TFDP2: variants seen among roughly 807,000 people sequenced by gnomAD.
TFDP2 encodes transcription factor Dp-2.
Under a neutral mutation model 59.3 loss-of-function variants are expected in TFDP2, and 17 were observed. That is an observed-to-expected ratio of 0.29 (90% CI 0.20 to 0.43). The LOEUF is 0.43. Ranked by LOEUF, TFDP2 falls within the 20% of genes least tolerant of loss-of-function variation. The pLI is 1.00. For missense variants in TFDP2, 391 were observed against 528.8 expected, an observed-to-expected ratio of 0.74 and a Z score of 2.56; for synonymous variants, 180 against 194.7, an observed-to-expected ratio of 0.92 and a Z score of 0.63.
At chr3:142,039,267 A>G (rs569582396) in intron 3 of TFDP2, among the ~76,000 whole-genome samples, 1 of 152,020 alleles carries the variant, frequency 6.6e-6, no homozygotes, top group Non-Finnish European at 1.5e-5. Flanking sequence ...TTACAGTGCC[A>G]ATATTTATTT....
rs1427769244 is a variant in TFDP2 at position 142,123,885 on chromosome 3, T to C, written c.-92-22044A>G. Among the ~76,000 whole-genome samples the C allele has an allele frequency of 3.3e-4, 50 of 152,150 alleles. 1 individual carries two copies. The highest frequency in any genetic ancestry group is 7.3e-5 in the Non-Finnish European group (5 of 68,028). On this transcript the variant is annotated intron_variant, in intron 1 of 12. Transcript: ENST00000489671. ...AAAACTATTATTATTTACATATGAT[T>C]ACAACTGTTTACAGAGCAACCCCAA...
intron 1 of TFDP2, among the ~76,000 whole-genome samples, chr3:142,114,108 C>T (rs1218218036): frequency 1.3e-5 from 2 of 150,830 alleles, no homozygotes; most frequent in Admixed American, 1.3e-4. Context: ...GAGCTTGCAG[C>T]GAGCCGAAAT....
intron 2 of TFDP2, chr3:142,093,853 G>A (rs1016562415): frequency 2.1e-5 from 8 of 386,650 alleles, no homozygotes; most frequent in African/African-American, 1.5e-4. Flanking sequence ...GGTGATACCA[G>A]TACTTAGCAA....
At chr3:142,141,999 T>C (rs556796728) in intron 1 of TFDP2, among the ~76,000 whole-genome samples, 1 of 152,286 alleles carries the variant, frequency 6.6e-6, no homozygotes, top group South Asian at 2.1e-4. Context: ...TCATACTGAA[T>C]GGGGAAAAAC....
In TFDP2 at chr3:141,995,113, C is replaced by G; in HGVS notation, c.215G>C (p.Ser72Thr). 1 of 1,608,542 alleles carries G rather than the reference C, an allele frequency of 6.2e-7. No homozygotes were observed. Among genetic ancestry groups the G allele is most frequent in the South Asian group, 1.1e-5 (1 of 89,766 alleles). ...MIISTPQRLTSSGSVLIGSPY... is the reference protein window; with the variant it reads ...MIISTPQRLTTSGSVLIGSPY... ...ACTCCCAATCAGAACACTTCCTGAA[C>G]TGGTTAGTCTCTGTGGTGTGCTTAT... Residue 72 changes from serine (S) to threonine (T), a missense_variant, in exon 5 of 13, where the codon AGT becomes ACT. Ser to Thr is a moderately conservative substitution (Grantham distance 58). This residue lies in a region of TFDP2 where 162 missense variants were observed against 206.8 expected (regional missense o/e 0.78). Coordinates refer to ENST00000489671, the MANE Select transcript of TFDP2 (RefSeq NM_001178139.2).
At chr3:142,128,388 C>T (rs779831780) in intron 1 of TFDP2, among the ~76,000 whole-genome samples, 18 of 152,152 alleles carry the variant, frequency 1.2e-4, no homozygotes, top group African/African-American at 1.4e-4. Context: ...GCTTCCAGAA[C>T]GCAAAACAAT....
intron 2 of TFDP2, among the ~76,000 whole-genome samples, chr3:142,095,237 G>A (rs1297268122): frequency 1.3e-5 from 2 of 151,986 alleles, no homozygotes; most frequent in South Asian, 4.2e-4. Context: ...TGATCCACCC[G>A]TCTTGGCCTC....
chr3:142,012,779 T>C (rs1944823011), intron 3 of TFDP2, among the ~76,000 whole-genome samples: 1 of 152,208 alleles, frequency 6.6e-6, no homozygotes, highest in Admixed American at 6.6e-5. Flanking sequence ...AGGAAGCATT[T>C]GTTTTATACA....
rs1174705354 is a variant in TFDP2, at chr3:141,995,038, G to A, written c.290C>T (p.Ala97Val). The A allele has an allele frequency of 1.3e-6, 2 of 1,598,018 alleles. No individual in the cohort carries two copies. The highest frequency in any genetic ancestry group is 2.3e-5 in the East Asian group (1 of 44,316). ...CTCTTACCCAGGGACCCAGCCAGTA[G>A]CTTCTGCTATGTGTGTCTGAGTAAC... ...AMVTQTHIAE[A>V]TGWVPGDRKR... Residue 97 changes from alanine to valine, a missense_variant, in exon 5 of 13, where the codon GCT becomes GTT. Coordinates refer to ENST00000489671, the MANE Select transcript of TFDP2 (RefSeq NM_001178139.2).
intron 7 of TFDP2, among the ~76,000 whole-genome samples, chr3:141,977,742 AC>A (rs1375413462): frequency 6.6e-6 from 1 of 151,556 alleles, no homozygotes; most frequent in Non-Finnish European, 1.5e-5. Context: ...ACGGAGTCTC[AC>A]TCTGTCGCCC....
intron 6 of TFDP2, among the ~76,000 whole-genome samples, chr3:141,985,074 T>C (rs781186498): frequency 1.3e-5 from 2 of 152,134 alleles, no homozygotes; most frequent in Non-Finnish European, 2.9e-5. Flanking sequence ...GGTATGCCTT[T>C]TCTTGAAAAA....
At chr3:142,026,583 C>T (rs1946116944) in intron 3 of TFDP2, among the ~76,000 whole-genome samples, 1 of 152,170 alleles carries the variant, frequency 6.6e-6, no homozygotes, top group Admixed American at 6.5e-5. Flanking sequence ...ATAAGTGCCT[C>T]ATATGTGAAA....
At chr3:142,023,096 G>A (rs1390686566) in intron 3 of TFDP2, among the ~76,000 whole-genome samples, 2 of 125,926 alleles carry the variant, frequency 1.6e-5, no homozygotes, top group Admixed American at 9.3e-5. Flanking sequence ...CTCCAGCCTG[G>A]CAACGCAGTG....
intron 3 of TFDP2, among the ~76,000 whole-genome samples, chr3:142,081,408 A>G (rs1266659424): frequency 4.6e-5 from 7 of 152,154 alleles, no homozygotes; most frequent in Non-Finnish European, 1.0e-4. Flanking sequence ...TAGATAACCT[A>G]ATGATGCATC....
chr3:141,984,101 T>A (rs1941794733), intron 6 of TFDP2, among the ~76,000 whole-genome samples: 1 of 152,190 alleles, frequency 6.6e-6, no homozygotes, highest in Non-Finnish European at 1.5e-5. Flanking sequence ...AAATGTGGTA[T>A]ATACATATAA....
At chr3:142,026,492 A>G (rs1447278257) in intron 3 of TFDP2, among the ~76,000 whole-genome samples, 1 of 152,130 alleles carries the variant, frequency 6.6e-6, no homozygotes, top group African/African-American at 2.4e-5. Context: ...CCATATGCAA[A>G]TTTTAAACTA....
intron 3 of TFDP2, among the ~76,000 whole-genome samples, chr3:142,041,248 T>C (rs1560076307): frequency 6.6e-6 from 1 of 152,232 alleles, no homozygotes; most frequent in Non-Finnish European, 1.5e-5. Context: ...TTTCTTCCAG[T>C]CCATGACTTG....
chr3:142,085,695 G>C (rs918521082), intron 3 of TFDP2, among the ~76,000 whole-genome samples: 3 of 152,138 alleles, frequency 2.0e-5, no homozygotes, highest in African/African-American at 7.2e-5. Flanking sequence ...TAAAAAAAGA[G>C]CTCTTCAGGG....
At chr3:142,022,945 C>T (rs1945732263) in intron 3 of TFDP2, among the ~76,000 whole-genome samples, 2 of 151,340 alleles carry the variant, frequency 1.3e-5, no homozygotes, top group African/African-American at 4.9e-5. Flanking sequence ...CGTGGTGAAA[C>T]CCCATCTCTA....
Sources: gnomAD v4.1 joint callset for allele counts (sites outside exome capture counted in the v4.1 genomes callset) on GRCh38, gnomAD v4.1.1 for gene constraint, gnomAD v4.1.1 regional missense constraint, MANE v1.5 for transcripts, NCBI Gene and HGNC (gene_info 2026-07-23, HGNC 2026-07-21) for gene names.